Variants in NPAS3 observed in about 807,000 individuals in gnomAD.
The protein encoded by NPAS3 is neuronal PAS domain protein 3.
Under a neutral mutation model 73.1 loss-of-function variants are expected in NPAS3, and 14 were observed. That is an observed-to-expected ratio of 0.19 (90% CI 0.13 to 0.30). NPAS3 has a LOEUF of 0.30. Among genes scored for constraint, NPAS3 ranks in the 10% least tolerant of loss-of-function variants. The pLI, the probability that NPAS3 is intolerant of heterozygous loss-of-function variation, is 1.00. For missense variants in NPAS3, 1,096 were observed against 1,250.0 expected (o/e 0.88, Z 1.86); for synonymous variants, 620 against 541.5 (o/e 1.14, Z -2.01).
chr14:32,977,356 G>GCACGCACACACACACA (rs71432100), intron 1 of NPAS3, among the ~76,000 whole-genome samples: 44,642 of 141,258 alleles, frequency 0.32, 8,439 homozygotes, highest in East Asian at 0.48. Context: ...TCTCTGACAC[G>GCACGCACACACACACA]CACACACACA....
intron 3 of NPAS3, among the ~76,000 whole-genome samples, chr14:33,356,637 G>T (rs1004112710): frequency 6.6e-6 from 1 of 152,312 alleles, no homozygotes; most frequent in African/African-American, 2.4e-5. Context: ...TGATGACACA[G>T]GGCATCTGTG....
chr14:33,223,828 A>C (rs1594438622), intron 3 of NPAS3, among the ~76,000 whole-genome samples: 1 of 141,064 alleles, frequency 7.1e-6, no homozygotes, highest in East Asian at 2.2e-4. Context: ...GTGTTCAAAA[A>C]TGTATGGCAA....
intron 5 of NPAS3, among the ~76,000 whole-genome samples, chr14:33,646,418 A>T (rs544908803): frequency 3.3e-5 from 5 of 152,140 alleles, no homozygotes; most frequent in African/African-American, 9.7e-5. Context: ...CCATTATTTT[A>T]TCTAGTAAAT....
intron 3 of NPAS3, among the ~76,000 whole-genome samples, chr14:33,307,020 T>C (rs2042780177): frequency 6.6e-6 from 1 of 152,182 alleles, no homozygotes; most frequent in South Asian, 2.1e-4. Context: ...TAATCTCTTT[T>C]TCTTTGTGTG....
chr14:33,352,909 C>T (rs917617431), intron 3 of NPAS3, among the ~76,000 whole-genome samples: 1 of 151,904 alleles, frequency 6.6e-6, no homozygotes, highest in African/African-American at 2.4e-5. Flanking sequence ...TAAGTTAGTT[C>T]AAGAAAATGA....
At chr14:33,034,934 T>G (rs1233382359) in intron 1 of NPAS3, among the ~76,000 whole-genome samples, 1 of 152,188 alleles carries the variant, frequency 6.6e-6, no homozygotes, top group East Asian at 1.9e-4. Flanking sequence ...GACAACTTAT[T>G]ATTTTCTTTT....
chr14:33,089,220 G>C (rs1029196132), intron 2 of NPAS3, among the ~76,000 whole-genome samples: 2 of 152,180 alleles, frequency 1.3e-5, no homozygotes, highest in Non-Finnish European at 2.9e-5. Flanking sequence ...GAGGAAATTA[G>C]AACCCATCGC....
chr14:33,366,940 G>A (rs1321010097), intron 3 of NPAS3, among the ~76,000 whole-genome samples: 1 of 148,462 alleles, frequency 6.7e-6, no homozygotes, highest in Non-Finnish European at 1.5e-5. Context: ...CCATCCAAAA[G>A]GAAAATTTTT....
chr14:33,172,088 G>A (rs145946066), intron 2 of NPAS3, among the ~76,000 whole-genome samples: 5 of 152,236 alleles, frequency 3.3e-5, no homozygotes, highest in Admixed American at 1.3e-4. Flanking sequence ...AAATGTAACA[G>A]TGACATCAAA....
chr14:33,316,224 C>G (rs1387796752), intron 3 of NPAS3, among the ~76,000 whole-genome samples: 1 of 152,028 alleles, frequency 6.6e-6, no homozygotes, highest in Non-Finnish European at 1.5e-5. Context: ...CTTAGCAGTT[C>G]AAAGTTTGCA....
intron 3 of NPAS3, among the ~76,000 whole-genome samples, chr14:33,265,186 A>G (rs2139981527): frequency 6.6e-6 from 1 of 152,292 alleles, no homozygotes; most frequent in East Asian, 1.9e-4. Context: ...CTAGTAGGGG[A>G]AAGGTAGCAA....
At chr14:33,408,991 A>G (rs1419289435) in intron 4 of NPAS3, among the ~76,000 whole-genome samples, 2 of 152,234 alleles carry the variant, frequency 1.3e-5, no homozygotes, top group Non-Finnish European at 2.9e-5. Flanking sequence ...TGGCAAAACT[A>G]TCAAACCAAC....
At chr14:33,258,200 C>T (rs944914875) in intron 3 of NPAS3, among the ~76,000 whole-genome samples, 1 of 152,086 alleles carries the variant, frequency 6.6e-6, no homozygotes, top group Non-Finnish European at 1.5e-5. Flanking sequence ...AGTTTGAGAC[C>T]AGCCTGGGCA....
rs528443662 is a variant in NPAS3, at chr14:33,783,722, T to G, written c.1153+5150T>G. ...CTCCAGCGGCGCATCCCTGCTGCGC[T>G]TACTACACTGTGCATCAGTGGGGCA... is the stretch of plus-strand genomic sequence containing the variant. On this transcript the variant is annotated intron_variant, in intron 9 of 11. Coordinates refer to ENST00000356141, the Ensembl canonical transcript of NPAS3. 2.0e-4 allele frequency among the ~76,000 whole-genome samples: 30 copies of G among 152,150 alleles called. No homozygotes were observed. The East Asian group carries it at 5.6e-3, about 29-fold the overall frequency.
intron 2 of NPAS3, among the ~76,000 whole-genome samples, chr14:33,206,157 C>T (rs2046815550): frequency 1.3e-5 from 2 of 151,958 alleles, no homozygotes; most frequent in Admixed American, 6.6e-5. Context: ...ACTTAATTGT[C>T]ATATAATTAT....
At chr14:33,392,905 C>T (rs2047068958) in intron 4 of NPAS3, among the ~76,000 whole-genome samples, 1 of 152,056 alleles carries the variant, frequency 6.6e-6, no homozygotes, top group Admixed American at 6.6e-5. Flanking sequence ...AGAGGTGATC[C>T]TCTCATGGCC....
intron 3 of NPAS3, among the ~76,000 whole-genome samples, chr14:33,294,165 A>G (rs1349767788): frequency 1.3e-5 from 2 of 152,186 alleles, no homozygotes; most frequent in Non-Finnish European, 2.9e-5. Context: ...CATTTAAGCT[A>G]TAGCCTAGAC....
chr14:33,275,279 G>A (rs6571591), intron 3 of NPAS3, among the ~76,000 whole-genome samples: 111,219 of 152,052 alleles, frequency 0.73, 41,207 homozygotes, highest in Non-Finnish European at 0.76. Context: ...TTACTCGTTA[G>A]CCACTTAAAA....
intron 5 of NPAS3, among the ~76,000 whole-genome samples, chr14:33,671,639 C>G (rs754756127): frequency 4.6e-5 from 7 of 152,204 alleles, no homozygotes; most frequent in Non-Finnish European, 8.8e-5. Flanking sequence ...GCCTATCTAT[C>G]TGCTGCCCCT....
Sources: allele counts gnomAD v4.1 joint callset (sites outside exome capture counted in the v4.1 genomes callset), GRCh38; gene constraint gnomAD v4.1.1; transcripts MANE v1.5; gene names NCBI Gene and HGNC (gene_info 2026-07-23, HGNC 2026-07-21).